SUSD6: variants seen among roughly 807,000 people sequenced by gnomAD.
The protein encoded by SUSD6 is sushi domain-containing protein 6.
A neutral mutation model predicts 28.4 loss-of-function variants in SUSD6; 16 were observed. That is an observed-to-expected ratio of 0.56 (90% confidence interval 0.38 to 0.86). SUSD6 has a LOEUF of 0.86. Among genes scored for constraint, SUSD6 ranks in the 40% least tolerant of loss-of-function variants. SUSD6 has a pLI of 0.00. For missense variants in SUSD6, 341 were observed against 384.2 expected (o/e 0.89, Z 0.94); for synonymous variants, 147 against 159.6 (o/e 0.92, Z 0.59).
chr14:69,615,126 A>G (rs1182146540), intron 1 of SUSD6, among the ~76,000 whole-genome samples: 4 of 152,210 alleles, frequency 2.6e-5, no homozygotes, highest in African/African-American at 9.7e-5. Context: ...TTTGAGAGCA[A>G]ACATTGCTTT....
At chr14:69,639,656 A>G (rs547182624) in intron 1 of SUSD6, among the ~76,000 whole-genome samples, 5 of 152,344 alleles carry the variant, frequency 3.3e-5, no homozygotes, top group Admixed American at 3.3e-4. Context: ...ATCAACTGAC[A>G]TCTTGGCAGC....
At chr14:69,622,696 C>T (rs546499152) in intron 1 of SUSD6, among the ~76,000 whole-genome samples, 25 of 152,044 alleles carry the variant, frequency 1.6e-4, no homozygotes, top group South Asian at 4.2e-4. Context: ...CAGGTTCGAG[C>T]GATTCTCCTG....
At chr14:69,703,887 C>T in intron 3 of SUSD6, 1 of 478,336 alleles carries the variant, frequency 2.1e-6, no homozygotes, top group East Asian at 4.0e-5. Flanking sequence ...CCATGTTCTG[C>T]CCTCACAGTG....
At chr14:69,645,683 A>G (rs956169209) in intron 1 of SUSD6, among the ~76,000 whole-genome samples, 1 of 151,970 alleles carries the variant, frequency 6.6e-6, no homozygotes, top group Admixed American at 6.6e-5. Context: ...GTTATCATCC[A>G]GTCTTTCTTC....
rs113234102 is a variant in SUSD6 at position 69,635,941 on chromosome 14, C to T, written c.-80-22572C>T. 9.4e-3 allele frequency among the ~76,000 whole-genome samples: 1,435 copies of T among 152,352 alleles called. 14 individuals carry two copies. The highest frequency in any genetic ancestry group is 0.011 in the Non-Finnish European group (757 of 68,038). On this transcript the variant is annotated intron_variant, in intron 1 of 5. Coordinates refer to ENST00000342745, the MANE Select transcript of SUSD6 (RefSeq NM_014734.4). ...TGATTATTAGGCTGTTTTCATCACA[C>T]CTATGCTTCAGGGTCATAGAACTGA... is the stretch of plus-strand genomic sequence containing the variant.
intron 1 of SUSD6, among the ~76,000 whole-genome samples, chr14:69,622,046 G>C (rs2139591782): frequency 1.3e-5 from 2 of 152,284 alleles, no homozygotes; most frequent in Admixed American, 1.3e-4. Flanking sequence ...AATTGATCAA[G>C]TATTTATCAG....
chr14:69,647,164 G>A (rs1885440034), intron 1 of SUSD6, among the ~76,000 whole-genome samples: 1 of 152,154 alleles, frequency 6.6e-6, no homozygotes, highest in South Asian at 2.1e-4. Context: ...CCTTGGCCTT[G>A]GTGAAGCTGA....
rs1427836014 is a variant in SUSD6, at chr14:69,711,670, C to T, written c.*691C>T. 6.6e-6 allele frequency: 1 copy of T among 152,304 alleles called. No homozygotes were observed. Among genetic ancestry groups the T allele is most frequent in the Non-Finnish European group, 1.5e-5 (1 of 68,104 alleles). 9.4% of individuals were successfully genotyped at this position (152,304 alleles called of 1,614,324 possible). On this transcript the variant is annotated 3_prime_UTR_variant, in exon 6 of 6. Coordinates refer to ENST00000342745, the MANE Select transcript of SUSD6 (RefSeq NM_014734.4). The stretch of plus-strand genomic sequence containing the variant: ...TGTCCATGCTGGCCCAGGACCCAGC[C>T]ATCTGGCCCAAAGGCACAAGCTCCT...
At chr14:69,642,663 G>A (rs1397211687) in intron 1 of SUSD6, among the ~76,000 whole-genome samples, 2 of 137,556 alleles carry the variant, frequency 1.5e-5, no homozygotes, top group African/African-American at 2.8e-5. Context: ...CCCCCCTGCT[G>A]GGTCCCTCCC....
intron 1 of SUSD6, among the ~76,000 whole-genome samples, chr14:69,614,706 TA>T (rs1215719436): frequency 6.6e-6 from 1 of 151,294 alleles, no homozygotes; most frequent in African/African-American, 2.4e-5. Context: ...ACAGCATCTT[TA>T]AAAAAAAATA....
chr14:69,711,214 T>TC lies in SUSD6; in HGVS notation c.*238dup. 3 of 578,604 alleles carry TC rather than the reference T, an allele frequency of 5.2e-6. No individual in the cohort carries two copies. Among genetic ancestry groups the TC allele is most frequent in the Non-Finnish European group, 9.3e-6 (3 of 323,880 alleles). The allele number at this position is 578,604 out of a possible 1,614,324, so 35.8% of individuals were successfully genotyped here. On this transcript the variant is annotated 3_prime_UTR_variant, in exon 6 of 6. Transcript: ENST00000342745. ...GCTGGCTCTTTGCCTGGCCCCGCCT[T>TC]CCCATCTGTCAGAGACATATTTGAA... is the stretch of plus-strand genomic sequence containing the variant.
At chr14:69,683,924 T>C (rs1886034498) in intron 2 of SUSD6, among the ~76,000 whole-genome samples, 1 of 152,186 alleles carries the variant, frequency 6.6e-6, no homozygotes, top group South Asian at 2.1e-4. Context: ...AGTCTCTTTT[T>C]GTCTTGGGTG....
intron 1 of SUSD6, among the ~76,000 whole-genome samples, chr14:69,614,588 A>G (rs2139586897): frequency 6.6e-6 from 1 of 152,334 alleles, no homozygotes; most frequent in Admixed American, 6.5e-5. Flanking sequence ...CATTTCCCAC[A>G]TAAAAACTTG....
chr14:69,669,584 G>A (rs373374546), intron 2 of SUSD6, among the ~76,000 whole-genome samples: 43 of 152,246 alleles, frequency 2.8e-4, no homozygotes, highest in African/African-American at 9.9e-4. Context: ...CTACCTCTAC[G>A]TCTGTTTCTA....
At chr14:69,710,539 C>A (rs576848762) in intron 5 of SUSD6, among the ~76,000 whole-genome samples, 1 of 152,222 alleles carries the variant, frequency 6.6e-6, no homozygotes, top group East Asian at 1.9e-4. Context: ...AGCTTGAGGC[C>A]CACAGCATAT....
Position 69,633,489 on chromosome 14 carries a change from T to C in SUSD6, c.-81+21661T>C, listed in dbSNP as rs556591180. On this transcript the variant is annotated intron_variant, in intron 1 of 5. Transcript: ENST00000342745. ...GGAATGTTCCCTCTTTACACCCTCATACTTATTCAGCCCTCAAAGCTTTCA... is the reference window on the plus strand; with the variant it reads ...GGAATGTTCCCTCTTTACACCCTCACACTTATTCAGCCCTCAAAGCTTTCA... Among the ~76,000 whole-genome samples the C allele has an allele frequency of 2.6e-5, 4 of 152,358 alleles. No individual in the cohort carries two copies. In the South Asian group the frequency reaches 8.3e-4, roughly 32 times the overall value.
intron 2 of SUSD6, among the ~76,000 whole-genome samples, chr14:69,677,772 T>C (rs1172356309): frequency 6.6e-6 from 1 of 152,170 alleles, no homozygotes; most frequent in African/African-American, 2.4e-5. Flanking sequence ...CTAGGGTGGT[T>C]ATAAAGATTA....
chr14:69,630,792 AG>A, intron 1 of SUSD6, among the ~76,000 whole-genome samples: 1 of 152,254 alleles, frequency 6.6e-6, no homozygotes, highest in Non-Finnish European at 1.5e-5. Context: ...GTTATTTTCC[AG>A]AAAAATCTAG....
intron 1 of SUSD6, among the ~76,000 whole-genome samples, chr14:69,655,803 ACCAAAAAACG>A: frequency 6.6e-6 from 1 of 152,182 alleles, no homozygotes; most frequent in Middle Eastern, 3.4e-3. Context: ...TTAAAAAACA[ACCAAAAAACG>A]CCAAAAAACT....
Sources: gnomAD v4.1 joint callset for allele counts (sites outside exome capture counted in the v4.1 genomes callset) on GRCh38, gnomAD v4.1.1 for gene constraint, MANE v1.5 for transcripts, NCBI Gene and HGNC (gene_info 2026-07-23, HGNC 2026-07-21) for gene names.